Variants in FANK1 observed in about 807,000 individuals in gnomAD.
FANK1 encodes the protein fibronectin type III and ankyrin repeat domains 1, also known as fibronectin type 3 and ankyrin repeat domains protein 1.
FANK1 carries 44 observed loss-of-function variants against 45.3 expected under a neutral mutation model. That is an observed-to-expected ratio of 0.97 (90% CI 0.76 to 1.25). The LOEUF (loss-of-function observed/expected upper bound fraction) is 1.25, where lower values mean the gene tolerates loss of function less well. Among genes scored for constraint, FANK1 ranks in the 50% most tolerant of loss-of-function variants. The pLI, the probability that FANK1 is intolerant of heterozygous loss-of-function variation, is 0.00. For synonymous variants in FANK1, 149 were observed against 152.5 expected, an observed-to-expected ratio of 0.98 and a Z score of 0.17; for missense variants, 391 against 424.4, an observed-to-expected ratio of 0.92 and a Z score of 0.69.
chr10:125,923,070 C>T (rs1387342767), intron 1 of FANK1, among the ~76,000 whole-genome samples: 2 of 151,528 alleles, frequency 1.3e-5, no homozygotes, highest in Non-Finnish European at 2.9e-5. Flanking sequence ...CTGGAAATTT[C>T]TTTATGGCAA....
intron 1 of FANK1, among the ~76,000 whole-genome samples, chr10:125,917,539 C>A (rs1946542879): frequency 6.6e-6 from 1 of 152,172 alleles, no homozygotes; most frequent in African/African-American, 2.4e-5. Flanking sequence ...ATAGGTTTAA[C>A]TGTTTCTTCA....
chr10:125,945,441 A>G (rs1054008412), intron 1 of FANK1, among the ~76,000 whole-genome samples: 4 of 152,228 alleles, frequency 2.6e-5, no homozygotes, highest in African/African-American at 9.6e-5. Flanking sequence ...TCACTTGGGA[A>G]GCGCAAGGGG....
intron 6 of FANK1, 28 bp from the exon 7 acceptor site, chr10:126,004,850 TATTGTC>T (rs1396722814): frequency 3.1e-6 from 5 of 1,609,992 alleles, no homozygotes; most frequent in African/African-American, 1.3e-5. Flanking sequence ...TGACTGTGCT[TATTGTC>T]AAATGCCGCT....
Position 125,988,677 on chromosome 10 carries a change from T to C in FANK1, c.316+2T>C, listed in dbSNP as rs1401320971. On this transcript the variant is annotated splice_donor_variant, in intron 3 of 10. Coordinates refer to ENST00000368693, the MANE Select transcript of FANK1 (RefSeq NM_145235.5). LOFTEE classifies it high-confidence loss of function. ...CACTCGTCTCAGTGTCTACAACCAGTGAGTATTCAGACCGTCCACACTCAC... is the reference window on the plus strand; with the variant it reads ...CACTCGTCTCAGTGTCTACAACCAGCGAGTATTCAGACCGTCCACACTCAC... 1 of 1,613,994 alleles carries C rather than the reference T, an allele frequency of 6.2e-7. No homozygotes were observed. Among genetic ancestry groups the C allele is most frequent in the Non-Finnish European group, 8.5e-7 (1 of 1,180,022 alleles).
chr10:125,899,726 A>G lies in FANK1; in HGVS notation c.13+3071A>G, dbSNP rs528849232. 3.3e-5 allele frequency among the ~76,000 whole-genome samples: 5 copies of G among 152,338 alleles called. No homozygotes were observed. In the East Asian group the frequency reaches 7.7e-4, roughly 24 times the overall value. The stretch of plus-strand genomic sequence containing the variant: ...GACGTGGCATCAAGTATTACAGTGA[A>G]TTACAGTTATACTGTCAGCAATATT... On this transcript the variant is annotated intron_variant, in intron 1 of 10. Coordinates refer to ENST00000368693, the MANE Select transcript of FANK1 (RefSeq NM_145235.5).
At chr10:125,941,090 T>C (rs904886175) in intron 1 of FANK1, among the ~76,000 whole-genome samples, 16 of 152,200 alleles carry the variant, frequency 1.1e-4, no homozygotes, top group Admixed American at 7.9e-4. Context: ...GAAAATACAT[T>C]TCTAAACTTG....
chr10:125,976,878 C>T (rs1950887415), intron 1 of FANK1, among the ~76,000 whole-genome samples: 1 of 152,148 alleles, frequency 6.6e-6, no homozygotes, highest in African/African-American at 2.4e-5. Context: ...CTGCCTCAGC[C>T]TCCCAAAGTG....
chr10:125,910,669 T>C (rs1056677789), intron 1 of FANK1, among the ~76,000 whole-genome samples: 6 of 152,272 alleles, frequency 3.9e-5, no homozygotes, highest in African/African-American at 1.2e-4. Context: ...TATCATAATT[T>C]ATTGAATCAG....
chr10:125,940,056 C>G (rs1948349080), intron 1 of FANK1, among the ~76,000 whole-genome samples: 1 of 151,834 alleles, frequency 6.6e-6, no homozygotes. Context: ...AAAGGCAAAA[C>G]AAAAACTTTT....
At chr10:125,898,193 C>G in intron 1 of FANK1, among the ~76,000 whole-genome samples, 1 of 151,156 alleles carries the variant, frequency 6.6e-6, no homozygotes, top group South Asian at 2.1e-4. Flanking sequence ...CTCGAAAAAA[C>G]AAAAAAAAGA....
At chr10:125,911,008 T>C (rs532115567) in intron 1 of FANK1, among the ~76,000 whole-genome samples, 14 of 148,850 alleles carry the variant, frequency 9.4e-5, no homozygotes, top group Admixed American at 8.1e-4. Flanking sequence ...CACTCCAGCC[T>C]GGGTGACACA....
At chr10:125,908,564 C>T (rs1330300211) in intron 1 of FANK1, among the ~76,000 whole-genome samples, 1 of 151,618 alleles carries the variant, frequency 6.6e-6, no homozygotes, top group Non-Finnish European at 1.5e-5. Flanking sequence ...GATGCAAAGG[C>T]ATAAGAATGA....
At chr10:125,938,852 T>A (rs1948270562) in intron 1 of FANK1, among the ~76,000 whole-genome samples, 3 of 152,010 alleles carry the variant, frequency 2.0e-5, no homozygotes, top group Admixed American at 2.0e-4. Flanking sequence ...GTGGTAAAAG[T>A]ATACAGAACC....
chr10:125,955,363 C>T (rs1949512536), intron 1 of FANK1, among the ~76,000 whole-genome samples: 1 of 152,112 alleles, frequency 6.6e-6, no homozygotes, highest in Admixed American at 6.5e-5. Flanking sequence ...GTTTGGTTTT[C>T]TGTTCCTCCA....
intron 1 of FANK1, among the ~76,000 whole-genome samples, chr10:125,912,647 T>C (rs1294734423): frequency 6.6e-6 from 1 of 152,232 alleles, no homozygotes; most frequent in Non-Finnish European, 1.5e-5. Context: ...TTTATTTTAT[T>C]TTTTGAGACA....
At chr10:125,969,618 CT>C (rs202121488) in intron 1 of FANK1, among the ~76,000 whole-genome samples, 25 of 150,892 alleles carry the variant, frequency 1.7e-4, no homozygotes, top group South Asian at 6.3e-4. Context: ...TTGAATTTTT[CT>C]TTTTTTTTAA....
In FANK1 at chr10:126,009,166, C is replaced by T. The variant is rs191227287; in HGVS notation, c.927+35C>T. The stretch of plus-strand genomic sequence containing the variant: ...TCCATCTTTATGTAAAGATTTTCCT[C>T]GGAGGGGGAGAAAACATTTATAAGC... On this transcript the variant is annotated intron_variant, in intron 9 of 10. Transcript: ENST00000368693. 113 of 1,614,018 alleles carry T rather than the reference C, an allele frequency of 7.0e-5. 1 individual carries two copies. In the African/African-American group the frequency reaches 8.1e-4, roughly 12 times the overall value.
At chr10:125,942,524 A>AT (rs1485156517) in intron 1 of FANK1, among the ~76,000 whole-genome samples, 3 of 152,210 alleles carry the variant, frequency 2.0e-5, no homozygotes, top group Non-Finnish European at 2.9e-5. Context: ...GGAGGAGGAC[A>AT]TTTTTTAACG....
At chr10:125,918,596 A>ATC (rs1411839070) in intron 1 of FANK1, among the ~76,000 whole-genome samples, 34 of 120,022 alleles carry the variant, frequency 2.8e-4, no homozygotes, top group Admixed American at 5.4e-4. Context: ...ATATATATAT[A>ATC]TATATATATA....
Sources: allele counts gnomAD v4.1 joint callset (sites outside exome capture counted in the v4.1 genomes callset), GRCh38; gene constraint gnomAD v4.1.1; transcripts MANE v1.5; gene names NCBI Gene and HGNC (gene_info 2026-07-23, HGNC 2026-07-21).